Variants in KCNIP1 observed in about 807,000 individuals in gnomAD.
KCNIP1 encodes the protein potassium voltage-gated channel interacting protein 1.
KCNIP1 carries 18 observed loss-of-function variants against 33.0 expected under a neutral mutation model. That is an observed-to-expected ratio of 0.55 (90% CI 0.38 to 0.81). The LOEUF (loss-of-function observed/expected upper bound fraction) is 0.81, where lower values mean the gene tolerates loss of function less well. Among genes scored for constraint, KCNIP1 ranks in the 30% least tolerant of loss-of-function variants. The probability of loss-of-function intolerance (pLI) is 0.00; values close to 1 mark genes in which losing one functional copy is unlikely to be tolerated. For missense variants in KCNIP1, 238 were observed against 271.6 expected (o/e 0.88, Z 0.87); for synonymous variants, 93 against 98.3 (o/e 0.95, Z 0.32).
chr5:170,408,485 A>G (rs1017494914), intron 1 of KCNIP1, among the ~76,000 whole-genome samples: 7 of 152,198 alleles, frequency 4.6e-5, no homozygotes, highest in African/African-American at 1.7e-4. Context: ...GAGCGTGAGC[A>G]GAATCATCCT....
At chr5:170,524,101 G>A (rs1034967853) in intron 1 of KCNIP1, among the ~76,000 whole-genome samples, 2 of 152,092 alleles carry the variant, frequency 1.3e-5, no homozygotes, top group East Asian at 3.8e-4. Flanking sequence ...CATCCCCTGG[G>A]GACCAGCCTC....
chr5:170,470,066 G>A (rs997684701), intron 1 of KCNIP1, among the ~76,000 whole-genome samples: 2 of 152,172 alleles, frequency 1.3e-5, no homozygotes, highest in Non-Finnish European at 2.9e-5. Context: ...GAAAATGGAA[G>A]AGCCAATCTG....
intron 1 of KCNIP1, among the ~76,000 whole-genome samples, chr5:170,357,434 C>A (rs1034022627): frequency 6.6e-6 from 1 of 152,244 alleles, no homozygotes; most frequent in African/African-American, 2.4e-5. Context: ...CCCTCTCACT[C>A]ATTACTTGTT....
intron 1 of KCNIP1, among the ~76,000 whole-genome samples, chr5:170,446,234 C>T (rs1017021864): frequency 2.6e-5 from 4 of 152,128 alleles, no homozygotes; most frequent in South Asian, 2.1e-4. Context: ...GAAAACTCTG[C>T]GCCTAGAAAA....
rs77752621 is a variant in KCNIP1 at position 170,581,019 on chromosome 5, A to T, written c.61+76386A>T. Among the ~76,000 whole-genome samples the T allele has an allele frequency of 4.8e-3, 728 of 152,218 alleles. 8 individuals are homozygous for T. The highest frequency in any genetic ancestry group is 0.016 in the African/African-American group (682 of 41,528). On this transcript the variant is annotated intron_variant, in intron 1 of 7. Coordinates refer to ENST00000328939, the MANE Select transcript of KCNIP1 (RefSeq NM_014592.4). ...GCACTTCTGACCCCAAGTATAAGAGATTCTATTGTAACGCACAGGAGTCCA... is the reference window on the plus strand; with the variant it reads ...GCACTTCTGACCCCAAGTATAAGAGTTTCTATTGTAACGCACAGGAGTCCA...
At chr5:170,402,114 C>T (rs1581157127) in intron 1 of KCNIP1, among the ~76,000 whole-genome samples, 1 of 152,296 alleles carries the variant, frequency 6.6e-6, no homozygotes, top group South Asian at 2.1e-4. Context: ...TCAGTGGCTT[C>T]TTCTCTCCTG....
chr5:170,654,365 A>G (rs10076795), intron 1 of KCNIP1, among the ~76,000 whole-genome samples: 14,627 of 152,200 alleles, frequency 0.096, 1,317 homozygotes, highest in African/African-American at 0.24. Context: ...AGGAGCTCAC[A>G]TTCTAGTCAT....
intron 1 of KCNIP1, among the ~76,000 whole-genome samples, chr5:170,465,091 A>G (rs895904461): frequency 2.0e-5 from 3 of 152,222 alleles, no homozygotes; most frequent in African/African-American, 7.2e-5. Context: ...CTTCAGGAAC[A>G]TGAGCACTGG....
intron 1 of KCNIP1, among the ~76,000 whole-genome samples, chr5:170,356,019 G>A (rs1375628368): frequency 6.6e-6 from 1 of 152,210 alleles, no homozygotes. Context: ...ACCCGATCCA[G>A]GTGTTTGCTA....
intron 1 of KCNIP1, among the ~76,000 whole-genome samples, chr5:170,511,029 T>G (rs1754914078): frequency 6.6e-6 from 1 of 151,960 alleles, no homozygotes; most frequent in Non-Finnish European, 1.5e-5. Context: ...GCCAATATGG[T>G]GAAACCCCAT....
chr5:170,543,680 C>T (rs1756299017), intron 1 of KCNIP1, among the ~76,000 whole-genome samples: 1 of 152,214 alleles, frequency 6.6e-6, no homozygotes, highest in South Asian at 2.1e-4. Flanking sequence ...TAGAAGATAA[C>T]ATTTTTCTCC....
At position 170,680,901 on chromosome 5, in the gene KCNIP1, G is replaced by C. The variant is rs1030645108; in HGVS notation, c.62-37857G>C. 1.8e-5 allele frequency: 7 copies of C among 396,172 alleles called. No homozygotes were observed. The Admixed American group carries it at 2.6e-4, about 15-fold the overall frequency. The allele number at this position is 396,172 out of a possible 1,614,324, so 24.5% of individuals were successfully genotyped here. On this transcript the variant is annotated intron_variant, in intron 1 of 7. Transcript: ENST00000328939. Reference sequence around the variant, plus strand: ...TACCAGGTAGGAGGAGGAGAGAGGTGGAGGGAGGGGTAGGAGTGGAAGGAA... The same window carrying C: ...TACCAGGTAGGAGGAGGAGAGAGGTCGAGGGAGGGGTAGGAGTGGAAGGAA...
At chr5:170,589,280 T>C (rs1399398768) in intron 1 of KCNIP1, among the ~76,000 whole-genome samples, 1 of 152,134 alleles carries the variant, frequency 6.6e-6, no homozygotes, top group Non-Finnish European at 1.5e-5. Flanking sequence ...ATTACAGGCG[T>C]GAGGCACCGC....
intron 1 of KCNIP1, among the ~76,000 whole-genome samples, chr5:170,494,865 A>G (rs772400533): frequency 1.7e-4 from 26 of 152,222 alleles, no homozygotes; most frequent in Admixed American, 3.3e-4. Context: ...CCCAGACTCT[A>G]CAGATCACTC....
chr5:170,684,596 G>T (rs559552547), intron 1 of KCNIP1, among the ~76,000 whole-genome samples: 6 of 152,312 alleles, frequency 3.9e-5, no homozygotes, highest in Non-Finnish European at 7.4e-5. Flanking sequence ...CATTGATTTG[G>T]AATGCTAGTG....
At chr5:170,457,583 G>A (rs915617446) in intron 1 of KCNIP1, among the ~76,000 whole-genome samples, 4 of 152,206 alleles carry the variant, frequency 2.6e-5, no homozygotes, top group African/African-American at 9.7e-5. Context: ...GCTAGATCCA[G>A]AAGAGAGATA....
Position 170,736,325 on chromosome 5 carries a change from G to C in KCNIP1, c.*519G>C, listed in dbSNP as rs1023319369. ...TGTCATGACCAGATTGGGAGAGCCA[G>C]CACCTAACATATGTGGGATAGGACT... On this transcript the variant is annotated 3_prime_UTR_variant, in exon 8 of 8. Coordinates refer to ENST00000328939, the MANE Select transcript of KCNIP1 (RefSeq NM_014592.4). 6.5e-6 allele frequency: 1 copy of C among 154,178 alleles called. No individual in the cohort carries two copies. The highest frequency in any genetic ancestry group is 2.4e-5 in the African/African-American group (1 of 41,482). The allele number at this position is 154,178 out of a possible 1,614,324, so 9.6% of individuals were successfully genotyped here.
At chr5:170,680,739 C>T (rs564875330) in intron 1 of KCNIP1, 19 of 205,358 alleles carry the variant, frequency 9.3e-5, no homozygotes, top group African/African-American at 3.2e-4. Flanking sequence ...TCTGAGCTGC[C>T]GAGAGAATAT....
At chr5:170,678,543 C>T (rs1762223880) in intron 1 of KCNIP1, 1 of 152,156 alleles carries the variant, frequency 6.6e-6, no homozygotes, top group Non-Finnish European at 1.5e-5. Flanking sequence ...CACTACTCTG[C>T]CTTCTTGCAT....
Sources: allele counts gnomAD v4.1 joint callset (sites outside exome capture counted in the v4.1 genomes callset), GRCh38; gene constraint gnomAD v4.1.1; transcripts MANE v1.5; gene names NCBI Gene and HGNC (gene_info 2026-07-23, HGNC 2026-07-21).